The following ZC3H14 variants were observed in gnomAD, a reference collection of about 807,000 sequenced individuals.
ZC3H14 encodes the protein zinc finger CCCH domain-containing protein 14.
ZC3H14 carries 31 observed loss-of-function variants against 92.4 expected under a neutral mutation model. The ratio of observed to expected loss-of-function variants is 0.34; its 90% CI spans 0.25 to 0.45. ZC3H14 has a LOEUF of 0.45. Among genes scored for constraint, ZC3H14 ranks in the 20% least tolerant of loss-of-function variants. The pLI, the probability that ZC3H14 is intolerant of heterozygous loss-of-function variation, is 1.00. For synonymous variants in ZC3H14, 321 were observed against 300.9 expected (o/e 1.07, Z -0.69); for missense variants, 781 against 897.3 (o/e 0.87, Z 1.66).
intron 9 of ZC3H14, chr14:88,591,782 T>G (rs1456217164): frequency 6.6e-6 from 1 of 151,468 alleles, no homozygotes; most frequent in Non-Finnish European, 1.5e-5. Flanking sequence ...CACACACACA[T>G]GTACATATAA....
intron 10 of ZC3H14, among the ~76,000 whole-genome samples, chr14:88,601,138 G>A (rs1482157884): frequency 6.6e-6 from 1 of 152,030 alleles, no homozygotes; most frequent in African/African-American, 2.4e-5. Context: ...TTGTATATGT[G>A]TCTGTTTTTC....
Position 88,618,831 on chromosome 14 carries a change from T to C in ZC3H14, c.*7080T>C. ...ACTAAATCTGAATCAAAACAAAACG[T>C]AAAAAGTATTAGACCACATGAAGTA... is the stretch of plus-strand genomic sequence containing the variant. On this transcript the variant is annotated 3_prime_UTR_variant, in exon 17 of 17. Coordinates refer to ENST00000251038, the MANE Select transcript of ZC3H14 (RefSeq NM_024824.5). 6.4e-7 allele frequency: 1 copy of C among 1,553,522 alleles called. No individual in the cohort carries two copies. The highest frequency in any genetic ancestry group is 8.7e-7 in the Non-Finnish European group (1 of 1,149,338).
intron 16 of ZC3H14, 55 bp from the exon 17 acceptor site, chr14:88,611,683 ATATATGG>A (rs2086812338): frequency 2.5e-6 from 4 of 1,600,932 alleles, no homozygotes; most frequent in Admixed American, 3.4e-5. Context: ...TTAAACTGAG[ATATATGG>A]TATATATGGA....
At chr14:88,604,547 T>C (rs1054722827) in intron 12 of ZC3H14, among the ~76,000 whole-genome samples, 1 of 151,990 alleles carries the variant, frequency 6.6e-6, no homozygotes, top group African/African-American at 2.4e-5. Context: ...TAACCTGCTG[T>C]CTTTTCACTC....
rs1259908306 is a variant in ZC3H14 at position 88,609,722 on chromosome 14, A to C, written c.2016A>C (p.Pro672=). The C allele has an allele frequency of 1.2e-6, 2 of 1,614,178 alleles. No individual in the cohort carries two copies. Among genetic ancestry groups the C allele is most frequent in the Non-Finnish European group, 1.7e-6 (2 of 1,180,016 alleles). Residue 672 remains proline (P), a synonymous_variant, in exon 15 of 17, where the codon CCA becomes CCC. Coordinates refer to ENST00000251038, the MANE Select transcript of ZC3H14 (RefSeq NM_024824.5). ...TTTTTATTTTGTTAGCAGTTGCACCACCAGCACCACCTTCCAGTAGTCAGC... is the reference window on the plus strand; with the variant it reads ...TTTTTATTTTGTTAGCAGTTGCACCCCCAGCACCACCTTCCAGTAGTCAGC... ...PVLSPKPAVA[P]PAPPSSSQLC...
At chr14:88,585,069 G>A (rs2082316703) in intron 9 of ZC3H14, among the ~76,000 whole-genome samples, 1 of 152,090 alleles carries the variant, frequency 6.6e-6, no homozygotes, top group African/African-American at 2.4e-5. Context: ...TGTTGTTGGG[G>A]GATTGGTTCC....
Position 88,611,730 on chromosome 14 carries a change from G to A in ZC3H14, c.2205-15G>A. The A allele has an allele frequency of 6.2e-7, 1 of 1,613,852 alleles. No homozygotes were observed. Among genetic ancestry groups the A allele is most frequent in the Non-Finnish European group, 8.5e-7 (1 of 1,179,888 alleles). ...AAGCAGATAATTAAAACAATTTTTGGTTCTGTTCATTCAGCGAATAGCACC... is the reference window on the plus strand; with the variant it reads ...AAGCAGATAATTAAAACAATTTTTGATTCTGTTCATTCAGCGAATAGCACC... On this transcript the variant is annotated splice_polypyrimidine_tract_variant and intron_variant, in intron 16 of 16. Coordinates refer to ENST00000251038, the MANE Select transcript of ZC3H14 (RefSeq NM_024824.5).
At chr14:88,586,082 C>T (rs966071969) in intron 9 of ZC3H14, among the ~76,000 whole-genome samples, 9 of 152,296 alleles carry the variant, frequency 5.9e-5, no homozygotes, top group African/African-American at 2.2e-4. Flanking sequence ...GCAGAAGAAT[C>T]GCTTGAACCC....
chr14:88,609,937 C>A, intron 15 of ZC3H14, 134 bp downstream of exon 15: 1 of 954,448 alleles, frequency 1.0e-6, no homozygotes, highest in Non-Finnish European at 1.6e-6. Context: ...TTAAGTTGTT[C>A]CTCGTCACTG....
At chr14:88,581,568 A>G (rs2081914830) in intron 9 of ZC3H14, among the ~76,000 whole-genome samples, 1 of 152,116 alleles carries the variant, frequency 6.6e-6, no homozygotes, top group Non-Finnish European at 1.5e-5. Flanking sequence ...CTCAAGAAAA[A>G]ATAAAAATAA....
At chr14:88,589,000 T>C (rs1191364962) in intron 9 of ZC3H14, among the ~76,000 whole-genome samples, 2 of 152,202 alleles carry the variant, frequency 1.3e-5, no homozygotes, top group African/African-American at 4.8e-5. Context: ...AAGGGATTTT[T>C]TTTTTCTTTT....
At chr14:88,599,824 C>T (rs1473398551) in intron 10 of ZC3H14, among the ~76,000 whole-genome samples, 2 of 152,148 alleles carry the variant, frequency 1.3e-5, no homozygotes, top group African/African-American at 4.8e-5. Flanking sequence ...AGTGAAGCAG[C>T]CCCTGGGCCA....
At chr14:88,580,679 A>G (rs1345555134) in intron 9 of ZC3H14, among the ~76,000 whole-genome samples, 2 of 152,210 alleles carry the variant, frequency 1.3e-5, no homozygotes, top group Non-Finnish European at 1.5e-5. Context: ...CTTTCAAGAA[A>G]ACTTTCATGA....
chr14:88,606,428 A>G (rs1052253045), intron 12 of ZC3H14, among the ~76,000 whole-genome samples: 10 of 152,156 alleles, frequency 6.6e-5, no homozygotes, highest in African/African-American at 2.2e-4. Flanking sequence ...AGTCTCTGTA[A>G]GTGATGGCAT....
chr14:88,591,781 A>G (rs1768324099), intron 9 of ZC3H14: 1 of 151,500 alleles, frequency 6.6e-6, no homozygotes, highest in African/African-American at 2.4e-5. Context: ...ACACACACAC[A>G]TGTACATATA....
Position 88,620,655 on chromosome 14 carries a change from C to T in ZC3H14, c.*8904C>T, listed in dbSNP as rs1595206202. 3.6e-5 allele frequency: 34 copies of T among 947,476 alleles called. No homozygotes were observed. In the East Asian group the frequency reaches 9.6e-4, roughly 27 times the overall value. The allele number at this position is 947,476 out of a possible 1,614,324, so 58.7% of individuals were successfully genotyped here. A position where few individuals can be genotyped will look rare whatever the true frequency, so the allele number is the denominator to read the frequency against. On this transcript the variant is annotated 3_prime_UTR_variant, in exon 17 of 17. Coordinates refer to ENST00000251038, the MANE Select transcript of ZC3H14 (RefSeq NM_024824.5). This position sits in a 1 kb window ranked among gnomAD's most constrained non-coding sequence, Gnocchi z 4.3. ...TTTATAATACGGGAAATGCTACAGG[C>T]CCTGGGGACCTCTTTTTGAAGGCAA...
intron 10 of ZC3H14, among the ~76,000 whole-genome samples, chr14:88,599,733 T>C (rs904882874): frequency 1.3e-5 from 2 of 152,218 alleles, no homozygotes; most frequent in African/African-American, 4.8e-5. Flanking sequence ...CCTTCAGCAT[T>C]ATTTTCATCT....
At chr14:88,610,339 TGTG>T (rs1359659466) in intron 15 of ZC3H14, among the ~76,000 whole-genome samples, 27 of 152,324 alleles carry the variant, frequency 1.8e-4, no homozygotes, top group African/African-American at 6.5e-4. Context: ...TAGAAGTTTT[TGTG>T]GTATGCTAAA....
Position 88,621,339 on chromosome 14 carries a change from C to A in ZC3H14, c.*9588C>A. ...CAGGACCAATACAGTGAATGTAATA[C>A]AACAGCTGCTTTTCTTCTTCATAAT... On this transcript the variant is annotated 3_prime_UTR_variant, in exon 17 of 17. Coordinates refer to ENST00000251038, the MANE Select transcript of ZC3H14 (RefSeq NM_024824.5). 1.9e-6 allele frequency: 3 copies of A among 1,607,956 alleles called. No individual in the cohort carries two copies. The highest frequency in any genetic ancestry group is 2.6e-6 in the Non-Finnish European group (3 of 1,175,188).
Sources: allele counts gnomAD v4.1 joint callset (sites outside exome capture counted in the v4.1 genomes callset), GRCh38; gene constraint gnomAD v4.1.1; non-coding constraint Gnocchi (gnomAD v3.1); transcripts MANE v1.5; gene names NCBI Gene and HGNC (gene_info 2026-07-23, HGNC 2026-07-21).